AHDC1: variants seen among roughly 807,000 people sequenced by gnomAD.
AHDC1 encodes AT-hook DNA binding motif containing 1.
A neutral mutation model predicts 87.9 loss-of-function variants in AHDC1; 7 were observed. The ratio of observed to expected loss-of-function variants is 0.08; its 90% CI spans 0.05 to 0.15. AHDC1 has a LOEUF of 0.15. Ranked by LOEUF, AHDC1 falls within the 10% of genes least tolerant of loss-of-function variation. The pLI, the probability that AHDC1 is intolerant of heterozygous loss-of-function variation, is 1.00. For synonymous variants in AHDC1, 1,051 were observed against 1,006.8 expected (o/e 1.04, Z -0.83); for missense variants, 1,841 against 2,253.2 (o/e 0.82, Z 3.70).
Position 27,558,576 on chromosome 1 carries a change from A to G in AHDC1, c.-450-46T>C, listed in dbSNP as rs1344465407. ...GTAAATGTTGGGTTAATATGTTTTGATTCTGTAAAGAAGCTCTTTTTGACC... is the reference window on the plus strand; with the variant it reads ...GTAAATGTTGGGTTAATATGTTTTGGTTCTGTAAAGAAGCTCTTTTTGACC... On this transcript the variant is annotated intron_variant, in intron 4 of 8. Transcript: ENST00000673934. This position sits in a 1 kb window ranked among gnomAD's most constrained non-coding sequence, Gnocchi z 5.6. 1 of 396,744 alleles carries G rather than the reference A, an allele frequency of 2.5e-6. No individual in the cohort carries two copies. The highest frequency in any genetic ancestry group is 4.4e-5 in the Admixed American group (1 of 22,688). The allele number at this position is 396,744 out of a possible 1,614,324, so 24.6% of individuals were successfully genotyped here.
chr1:27,539,666 G>A (rs1465397314), intron 8 of AHDC1, among the ~76,000 whole-genome samples: 2 of 151,292 alleles, frequency 1.3e-5, no homozygotes, highest in African/African-American at 4.9e-5. Flanking sequence ...GGCTGGTCTC[G>A]AACTCCTGAC....
Position 27,548,389 on chromosome 1 carries a change from C to T in AHDC1, c.3727G>A (p.Glu1243Lys), listed in dbSNP as rs2019311237. ...RGRRKKVDLF[E>K]ASHLGFPTSA... ...GTCGGGAAGCCCAGATGTGAGGCCT[C>T]GAACAGGTCCACCTTCTTCCGCCGT... The change falls in exon 8 of 9, where the codon GAG becomes AAG. Residue 1243 changes from glutamate to lysine, a missense_variant. Glu to Lys is a moderately conservative substitution (Grantham distance 56). Transcript: ENST00000673934. The T allele has an allele frequency of 6.2e-6, 10 of 1,607,952 alleles. No homozygotes were observed. Among genetic ancestry groups the T allele is most frequent in the Non-Finnish European group, 7.7e-6 (9 of 1,175,380 alleles).
intron 3 of AHDC1, among the ~76,000 whole-genome samples, chr1:27,571,525 C>G (rs1165983946): frequency 2.0e-5 from 3 of 152,102 alleles, no homozygotes; most frequent in Non-Finnish European, 4.4e-5. Flanking sequence ...AGCCCTCCCC[C>G]CAGGCTCTGG....
Position 27,560,905 on chromosome 1 carries a change from G to T in AHDC1, c.-628-2022C>A, listed in dbSNP as rs933113411. Among the ~76,000 whole-genome samples, 1 of 152,076 alleles carries T rather than the reference G, an allele frequency of 6.6e-6. No homozygotes were observed. Among genetic ancestry groups the T allele is most frequent in the Non-Finnish European group, 1.5e-5 (1 of 68,008 alleles). On this transcript the variant is annotated intron_variant, in intron 3 of 8. Transcript: ENST00000673934. The surrounding 1 kb of genome is among the most constrained non-coding windows in gnomAD (Gnocchi z 4.1). The stretch of plus-strand genomic sequence containing the variant: ...ACCCTTTGTGAGACGGTGTGTGTGT[G>T]TCTGTGTCACTGTGTTTGTGTGTGC...
At position 27,547,622 on chromosome 1, in the gene AHDC1, C is replaced by G. The variant is rs368578678; in HGVS notation, c.4494G>C (p.Ala1498=). Residue 1498 remains alanine (A), a synonymous_variant, in exon 8 of 9, where the codon GCG becomes GCC. Transcript: ENST00000673934. This position sits in a 1 kb window ranked among gnomAD's most constrained non-coding sequence, Gnocchi z 4.9. ...LADFLGRTEA[A]CLSAPHLASP... ...TAGCCAGGTGAGGGGCACTGAGGCA[C>G]GCGGCCTCCGTCCTGCCCAGGAAGT... 6.2e-7 allele frequency: 1 copy of G among 1,600,466 alleles called. No homozygotes were observed. Among genetic ancestry groups the G allele is most frequent in the Non-Finnish European group, 8.5e-7 (1 of 1,174,422 alleles).
At chr1:27,585,299 G>A (rs2089022848) in intron 3 of AHDC1, among the ~76,000 whole-genome samples, 1 of 150,174 alleles carries the variant, frequency 6.7e-6, no homozygotes, top group African/African-American at 2.5e-5. Flanking sequence ...AACAAACAAG[G>A]ACTCTGGATC....
intron 3 of AHDC1, among the ~76,000 whole-genome samples, chr1:27,575,104 C>T (rs1387107007): frequency 6.6e-6 from 1 of 152,244 alleles, no homozygotes; most frequent in East Asian, 1.9e-4. Flanking sequence ...ATTCCTCTGG[C>T]TGGAGCAAGA....
chr1:27,547,752 T>G lies in AHDC1; in HGVS notation c.4364A>C (p.His1455Pro). 6.3e-7 allele frequency: 1 copy of G among 1,591,954 alleles called. No homozygotes were observed. Among genetic ancestry groups the G allele is most frequent in the South Asian group, 1.1e-5 (1 of 89,016 alleles). Residue 1455 changes from histidine to proline, a missense_variant, in exon 8 of 9, where the codon CAC becomes CCC. This residue lies in a region of AHDC1 where 505 missense variants were observed against 626.2 expected (regional missense o/e 0.81). Transcript: ENST00000673934. This position sits in a 1 kb window ranked among gnomAD's most constrained non-coding sequence, Gnocchi z 4.9. Reference sequence around the variant, plus strand: ...GCCCTTGCAGCTGGGGGAATCGTAGTGGGGCTGGCCCAGCGGCAGGTCCCG... The same window carrying G: ...GCCCTTGCAGCTGGGGGAATCGTAGGGGGGCTGGCCCAGCGGCAGGTCCCG... Reference protein sequence around the residue: ...SCRDLPLGQPHYDSPSCKGTA... With the variant: ...SCRDLPLGQPPYDSPSCKGTA...
intron 3 of AHDC1, among the ~76,000 whole-genome samples, chr1:27,559,823 C>G (rs1413321065): frequency 6.6e-6 from 1 of 152,200 alleles, no homozygotes; most frequent in Non-Finnish European, 1.5e-5. Flanking sequence ...GTACTGGAGC[C>G]CAGAGGGGGT....
At position 27,563,788 on chromosome 1, in the gene AHDC1, G is replaced by T. The variant is rs935084257; in HGVS notation, c.-628-4905C>A. On this transcript the variant is annotated intron_variant, in intron 3 of 8. Coordinates refer to ENST00000673934, the MANE Select transcript of AHDC1 (RefSeq NM_001371928.1). This position sits in a 1 kb window ranked among gnomAD's most constrained non-coding sequence, Gnocchi z 6.1. ...TTCCCGCCCAGTGGCGGGTGCTGGGGGAGAGGAGTGCTGGGGAGGAAGCTG... is the reference window on the plus strand; with the variant it reads ...TTCCCGCCCAGTGGCGGGTGCTGGGTGAGAGGAGTGCTGGGGAGGAAGCTG... Among the ~76,000 whole-genome samples, 4 of 152,278 alleles carry T rather than the reference G, an allele frequency of 2.6e-5. No homozygotes were observed. The highest frequency in any genetic ancestry group is 9.6e-5 in the African/African-American group (4 of 41,546).
rs957046427 is a variant in AHDC1 at position 27,565,562 on chromosome 1, C to T, written c.-628-6679G>A. On this transcript the variant is annotated intron_variant, in intron 3 of 8. Coordinates refer to ENST00000673934, the MANE Select transcript of AHDC1 (RefSeq NM_001371928.1). This position sits in a 1 kb window ranked among gnomAD's most constrained non-coding sequence, Gnocchi z 4.6. ...GACAAACATTCTGTCTGGTGTCCCC[C>T]GGCGCTGGTGAGCAAGGGGCGGGAG... Among the ~76,000 whole-genome samples, 8 of 152,142 alleles carry T rather than the reference C, an allele frequency of 5.3e-5. No individual in the cohort carries two copies. Among genetic ancestry groups the T allele is most frequent in the Non-Finnish European group, 8.8e-5 (6 of 68,024 alleles).
At chr1:27,568,752 T>C (rs970414398) in intron 3 of AHDC1, among the ~76,000 whole-genome samples, 3 of 150,248 alleles carry the variant, frequency 2.0e-5, no homozygotes, top group Non-Finnish European at 4.5e-5. Context: ...GCCCCTCAGG[T>C]GGGAGCCTGC....
In AHDC1 at chr1:27,560,715, G is replaced by A. The variant is rs1283749261; in HGVS notation, c.-628-1832C>T. 6.6e-6 allele frequency among the ~76,000 whole-genome samples: 1 copy of A among 152,128 alleles called. No homozygotes were observed. Among genetic ancestry groups the A allele is most frequent in the Non-Finnish European group, 1.5e-5 (1 of 68,030 alleles). On this transcript the variant is annotated intron_variant, in intron 3 of 8. Coordinates refer to ENST00000673934, the MANE Select transcript of AHDC1 (RefSeq NM_001371928.1). This position sits in a 1 kb window ranked among gnomAD's most constrained non-coding sequence, Gnocchi z 4.1. ...TCTCTGTGTATGTCAGTGGGTCCTT[G>A]TGCTATGTCACTGTATGATTGTGCC...
rs929473196 is a variant in AHDC1 at position 27,562,777 on chromosome 1, T to C, written c.-628-3894A>G. 7.9e-5 allele frequency among the ~76,000 whole-genome samples: 12 copies of C among 152,052 alleles called. No individual in the cohort carries two copies. The highest frequency in any genetic ancestry group is 1.5e-4 in the Non-Finnish European group (10 of 68,000). On this transcript the variant is annotated intron_variant, in intron 3 of 8. Coordinates refer to ENST00000673934, the MANE Select transcript of AHDC1 (RefSeq NM_001371928.1). The surrounding 1 kb of genome is among the most constrained non-coding windows in gnomAD (Gnocchi z 4.4). ...TATCACCAGAAAACATGTCGTCTCT[T>C]TAGAGTGAGACACGAGCTCCCAAGT...
At chr1:27,544,012 G>A (rs151332341) in intron 8 of AHDC1, among the ~76,000 whole-genome samples, 10 of 152,214 alleles carry the variant, frequency 6.6e-5, no homozygotes, top group Admixed American at 2.6e-4. Flanking sequence ...GGGGAATCAG[G>A]CGTGGGGAGA....
Position 27,562,980 on chromosome 1 carries a change from G to T in AHDC1, c.-628-4097C>A, listed in dbSNP as rs1245686346. Among the ~76,000 whole-genome samples the T allele has an allele frequency of 6.6e-6, 1 of 152,080 alleles. No individual in the cohort carries two copies. Among genetic ancestry groups the T allele is most frequent in the Non-Finnish European group, 1.5e-5 (1 of 68,018 alleles). Reference sequence around the variant, plus strand: ...AACCTGTCGCTTCCTCCAAACATGAGATGGGCACACCTGACACACCCTCGA... The same window carrying T: ...AACCTGTCGCTTCCTCCAAACATGATATGGGCACACCTGACACACCCTCGA... On this transcript the variant is annotated intron_variant, in intron 3 of 8. Coordinates refer to ENST00000673934, the MANE Select transcript of AHDC1 (RefSeq NM_001371928.1). This position sits in a 1 kb window ranked among gnomAD's most constrained non-coding sequence, Gnocchi z 4.4.
rs1363186374 is a variant in AHDC1, at chr1:27,557,124, C to A, written c.-225+1181G>T. 4.0e-5 allele frequency among the ~76,000 whole-genome samples: 6 copies of A among 151,316 alleles called. No individual in the cohort carries two copies. The East Asian group carries it at 1.2e-3, about 30-fold the overall frequency. ...GGCAAGCAGGTCTGCCCCAGAACCG[C>A]CCCCTGCCAGCCCCCTGCCCTGGGT... On this transcript the variant is annotated intron_variant, in intron 5 of 8. Transcript: ENST00000673934.
chr1:27,599,594 C>A (rs988414151), intron 3 of AHDC1, among the ~76,000 whole-genome samples: 2 of 152,186 alleles, frequency 1.3e-5, no homozygotes, highest in Non-Finnish European at 2.9e-5. Flanking sequence ...GGCTCCTCTC[C>A]CTAGACTTGG....
chr1:27,551,556 T>C lies in AHDC1; in HGVS notation c.560A>G (p.His187Arg). The C allele has an allele frequency of 6.2e-7, 1 of 1,607,900 alleles. No individual in the cohort carries two copies. Among genetic ancestry groups the C allele is most frequent in the Non-Finnish European group, 8.5e-7 (1 of 1,176,222 alleles). ...ATGGCTGGGCCGCTCCGACTTGGCG[T>C]GTGGGGTGGCCCGCTCCTCAGGGCT... ...IRSPEERATP[H>R]AKSERPSHPL... Residue 187 changes from histidine (H) to arginine (R), a missense_variant, in exon 8 of 9, where the codon CAC (histidine) becomes CGC (arginine). Coordinates refer to ENST00000673934, the MANE Select transcript of AHDC1 (RefSeq NM_001371928.1).
Sources: gnomAD v4.1 joint callset for allele counts (sites outside exome capture counted in the v4.1 genomes callset) on GRCh38, gnomAD v4.1.1 for gene constraint, gnomAD v4.1.1 regional missense constraint, Gnocchi (gnomAD v3.1) non-coding constraint, MANE v1.5 for transcripts, NCBI Gene and HGNC (gene_info 2026-07-23, HGNC 2026-07-21) for gene names.